The following TNXB variants were observed in gnomAD, a reference collection of about 807,000 sequenced individuals.
The protein encoded by TNXB is tenascin XB, also known as tenascin-X.
In TNXB, 183 loss-of-function variants were observed where a neutral mutation model predicts 340.5. The ratio of observed to expected loss-of-function variants is 0.54; its 90% confidence interval spans 0.48 to 0.61. The LOEUF is 0.61. Ranked by LOEUF, TNXB falls within the 20% of genes least tolerant of loss-of-function variation. TNXB has a pLI of 0.00. For missense variants in TNXB, 4,613 were observed against 5,446.4 expected (o/e 0.85, Z 4.82); for synonymous variants, 2,121 against 2,314.5 (o/e 0.92, Z 2.40).
rs372382352 is a variant in TNXB at position 32,049,526 on chromosome 6, C to T, written c.9501G>A (p.Pro3167=). ...CTGTCACTGTCAACTCCCCCAGGAGCGGCTCCTCAGGGGCCTCCGGGGCCT... is the reference window on the plus strand; with the variant it reads ...CTGTCACTGTCAACTCCCCCAGGAGTGGCTCCTCAGGGGCCTCCGGGGCCT... ...STEAPEAPEE[P]LLGELTVTGS... Residue 3167 remains proline (P), a synonymous_variant, in exon 28 of 44, where the codon CCG becomes CCA. Coordinates refer to ENST00000644971, the MANE Select transcript of TNXB (RefSeq NM_001365276.2). The surrounding 1 kb of genome is among the most constrained non-coding windows in gnomAD (Gnocchi z 4.5). The T allele has an allele frequency of 3.1e-5, 50 of 1,612,414 alleles. No homozygotes were observed. The highest frequency in any genetic ancestry group is 3.8e-5 in the Non-Finnish European group (45 of 1,179,862).
intron 4 of TNXB, among the ~76,000 whole-genome samples, chr6:32,091,541 G>C (rs930137920): frequency 6.6e-6 from 1 of 150,540 alleles, no homozygotes; most frequent in Non-Finnish European, 1.5e-5. Context: ...GCAATGGCAC[G>C]ATCTCAGCTC....
rs1260732754 is a variant in TNXB, at chr6:32,095,850, A to T, written c.2003T>A (p.Leu668Gln). 6.2e-7 allele frequency: 1 copy of T among 1,612,580 alleles called. No homozygotes were observed. The highest frequency in any genetic ancestry group is 8.5e-7 in the Non-Finnish European group (1 of 1,179,388). ...GRGRCVQGVC[L>Q]CHVGYGGEDC... Reference sequence around the variant, plus strand: ...CTCACCGCCATAGCCCACGTGGCACAGGCACACTCCTTGCACACACCGCCC... The same window carrying T: ...CTCACCGCCATAGCCCACGTGGCACTGGCACACTCCTTGCACACACCGCCC... The change falls in exon 3 of 44, where the codon CTG (leucine) becomes CAG (glutamine). Residue 668 changes from leucine (L) to glutamine (Q), a missense_variant. Around this residue, in one of 7 missense-constraint regions of TNXB, gnomAD observed 4,327 missense variants for 4,859.4 expected, o/e 0.89. Transcript: ENST00000644971.
chr6:32,060,280 C>T (rs779558908), intron 21 of TNXB, among the ~76,000 whole-genome samples: 5 of 145,224 alleles, frequency 3.4e-5, no homozygotes, highest in Admixed American at 6.7e-5. Context: ...TGTAGTGAGC[C>T]GAGATCATGC....
Position 32,097,479 on chromosome 6 carries a change from GTCTC to G in TNXB, c.404-34_404-31del. The G allele has an allele frequency of 6.4e-7, 1 of 1,569,536 alleles. No homozygotes were observed. The highest frequency in any genetic ancestry group is 1.2e-5 in the South Asian group (1 of 85,946). ...AGTAGGAGGGGAGAGGCAAGTCTCA[GTCTC>G]TCTCCTGGGAGAGAGGCTGAGCCTA... is the stretch of plus-strand genomic sequence containing the variant. On this transcript the variant is annotated intron_variant, in intron 2 of 43. Transcript: ENST00000644971. The surrounding 1 kb of genome is among the most constrained non-coding windows in gnomAD (Gnocchi z 5.9).
intron 4 of TNXB, among the ~76,000 whole-genome samples, chr6:32,091,018 G>C (rs1780049199): frequency 6.6e-6 from 1 of 152,132 alleles, no homozygotes; most frequent in South Asian, 2.1e-4. Context: ...GGTTCCTCCT[G>C]AGATCCATCT....
chr6:32,080,873 C>T lies in TNXB; in HGVS notation c.4042+495G>A, dbSNP rs1435814125. 6.6e-6 allele frequency among the ~76,000 whole-genome samples: 1 copy of T among 152,194 alleles called. No homozygotes were observed. The highest frequency in any genetic ancestry group is 1.5e-5 in the Non-Finnish European group (1 of 68,032). ...AAGGAGTCGGGAGCTGAGAGGAGTC[C>T]TCTTCATGCTGCAAAAAGGCTAGAG... is the stretch of plus-strand genomic sequence containing the variant. On this transcript the variant is annotated intron_variant, in intron 10 of 43. Transcript: ENST00000644971. This position sits in a 1 kb window ranked among gnomAD's most constrained non-coding sequence, Gnocchi z 4.3.
At chr6:32,105,906 T>A (rs1487545304) in intron 1 of TNXB, among the ~76,000 whole-genome samples, 1 of 152,078 alleles carries the variant, frequency 6.6e-6, no homozygotes, top group Non-Finnish European at 1.5e-5. Context: ...AATAAATAAA[T>A]TGTGGTTTAT....
At position 32,043,253 on chromosome 6, in the gene TNXB, G is replaced by A; in HGVS notation, c.11716C>T (p.His3906Tyr). 1 of 282,284 alleles carries A rather than the reference G, an allele frequency of 3.5e-6. No individual in the cohort carries two copies. Among genetic ancestry groups the A allele is most frequent in the Non-Finnish European group, 6.1e-6 (1 of 164,032 alleles). 17.5% of individuals were successfully genotyped at this position (282,284 alleles called of 1,614,324 possible). The change falls in exon 37 of 44, where the codon CAC becomes TAC. Residue 3906 changes from histidine to tyrosine, a missense_variant. By Grantham distance (83) the His-to-Tyr change is moderately conservative. Transcript: ENST00000644971. ...CGCACTGTGGCGGTGTAGTTGGTGTGGAGGACAAGGTCATGCAGGGGGTAG... is the reference window on the plus strand; with the variant it reads ...CGCACTGTGGCGGTGTAGTTGGTGTAGAGGACAAGGTCATGCAGGGGGTAG... ...VDYPLHDLVL[H>Y]TNYTATVRGL...
At chr6:32,060,822 A>G (rs1479386226) in intron 21 of TNXB, among the ~76,000 whole-genome samples, 1 of 151,902 alleles carries the variant, frequency 6.6e-6, no homozygotes, top group Non-Finnish European at 1.5e-5. Context: ...TATTTTTAGT[A>G]GAGATGGGGT....
chr6:32,046,301 G>C lies in TNXB; in HGVS notation c.10480C>G (p.Pro3494Ala). The change falls in exon 31 of 44, where the codon CCT (proline) becomes GCT (alanine). Residue 3494 changes from proline (P) to alanine (A), a missense_variant. Pro to Ala is a conservative substitution (Grantham distance 27, BLOSUM62 -1). Around this residue, in one of 7 missense-constraint regions of TNXB, gnomAD observed 4,327 missense variants for 4,859.4 expected, o/e 0.89. Transcript: ENST00000644971. This position sits in a 1 kb window ranked among gnomAD's most constrained non-coding sequence, Gnocchi z 6.9. ...ACTGTGCGCTGGTCTGCGGCCACAG[G>C]CACTGCCCTGGGCTGCCCGTCCGTG... ...RDTDGQPRAV[P>A]VAADQRTVTV... The C allele has an allele frequency of 2.5e-6, 4 of 1,606,634 alleles. No homozygotes were observed. Among genetic ancestry groups the C allele is most frequent in the Non-Finnish European group, 1.7e-6 (2 of 1,178,152 alleles).
chr6:32,047,398 C>T lies in TNXB; in HGVS notation c.10324+336G>A, dbSNP rs1261618395. Among the ~76,000 whole-genome samples, 1 of 152,204 alleles carries T rather than the reference C, an allele frequency of 6.6e-6. No homozygotes were observed. Among genetic ancestry groups the T allele is most frequent in the African/African-American group, 2.4e-5 (1 of 41,444 alleles). On this transcript the variant is annotated intron_variant, in intron 30 of 43. Coordinates refer to ENST00000644971, the MANE Select transcript of TNXB (RefSeq NM_001365276.2). The surrounding 1 kb of genome is among the most constrained non-coding windows in gnomAD (Gnocchi z 6.2). ...GGATGGGAACCACTACTGAGTCCAG[C>T]GCCATTCCCAGCATTATGCAGGTGA...
chr6:32,049,642 A>C lies in TNXB; in HGVS notation c.9440-55T>G. 6.4e-7 allele frequency: 1 copy of C among 1,559,592 alleles called. No individual in the cohort carries two copies. Among genetic ancestry groups the C allele is most frequent in the Non-Finnish European group, 8.7e-7 (1 of 1,148,474 alleles). ...AGGGGGATGTCCTTGGGTCCTGGGG[A>C]AAAGGAGGGAGAAGCCAAGGCTATG... On this transcript the variant is annotated intron_variant, in intron 27 of 43. Transcript: ENST00000644971. This position sits in a 1 kb window ranked among gnomAD's most constrained non-coding sequence, Gnocchi z 4.5.
In TNXB at chr6:32,053,895, A is replaced by G. The variant is rs1472065934; in HGVS notation, c.8468-184T>C. ...CCCTCACCCTGACCCCCCTGCCCTC[A>G]GCCCCCACCTCACCCCCACCTCCCA... On this transcript the variant is annotated intron_variant, in intron 24 of 43. Transcript: ENST00000644971. Among the ~76,000 whole-genome samples the G allele has an allele frequency of 6.3e-4, 41 of 65,150 alleles. No individual in the cohort carries two copies. The Middle Eastern group carries it at 0.021, about 34-fold the overall frequency. The allele number at this position is 65,150 out of a possible 152,430, so 42.7% of individuals were successfully genotyped here. A position where few individuals can be genotyped will look rare whatever the true frequency, so the allele number is the denominator to read the frequency against.
chr6:32,067,962 G>C lies in TNXB; in HGVS notation c.6243C>G (p.Ser2081Arg). The C allele has an allele frequency of 1.2e-5, 19 of 1,611,896 alleles. No homozygotes were observed. The highest frequency in any genetic ancestry group is 1.6e-5 in the Non-Finnish European group (19 of 1,179,352). ...GGGCCTCCATGCTGGGTTCTGTGGG[G>C]CTGGGGGTCTCTTCCTCTGCAGCTG... The part of the protein sequence containing the change: ...GVTAAEEETP[S>R]PTEPSMEAPE... Residue 2081 changes from serine (S) to arginine (R), a missense_variant, in exon 18 of 44, where the codon AGC becomes AGG. Physicochemically the swap from Ser to Arg is moderately radical, Grantham distance 110 (BLOSUM62 -1). Transcript: ENST00000644971. The surrounding 1 kb of genome is among the most constrained non-coding windows in gnomAD (Gnocchi z 4.2).
In TNXB at chr6:32,053,661, CAG is replaced by C; in HGVS notation, c.8516_8517del (p.Pro2839ArgfsTer19). Reference sequence around the variant, plus strand: ...CCGAGGCGAGGCTTGTTGGGGGGCTCAGGGGTTGTGGTGGGCACTGCTTGGGT... The same window carrying C: ...CCGAGGCGAGGCTTGTTGGGGGGCTCGGGTTGTGGTGGGCACTGCTTGGGT... ...ETTQAVPTTT[P>X]EPPNKPRLGE... On this transcript the variant is annotated frameshift_variant, in exon 25 of 44. Coordinates refer to ENST00000644971, the MANE Select transcript of TNXB (RefSeq NM_001365276.2). LOFTEE classifies it high-confidence loss of function. The C allele has an allele frequency of 6.2e-7, 1 of 1,613,288 alleles. No homozygotes were observed. Among genetic ancestry groups the C allele is most frequent in the Non-Finnish European group, 8.5e-7 (1 of 1,179,804 alleles).
intron 13 of TNXB, 91 bp downstream of exon 13, chr6:32,071,899 A>C: frequency 8.7e-7 from 1 of 1,146,806 alleles, no homozygotes; most frequent in Non-Finnish European, 1.2e-6. Context: ...GAGACAGAGC[A>C]GGTGGACAAA....
chr6:32,097,095 C>T lies in TNXB; in HGVS notation c.758G>A (p.Cys253Tyr). The change falls in exon 3 of 44, where the codon TGC becomes TAC. Residue 253 changes from cysteine to tyrosine, a missense_variant. Physicochemically the swap from Cys to Tyr is radical, Grantham distance 194 (BLOSUM62 -2). Transcript: ENST00000644971. The surrounding 1 kb of genome is among the most constrained non-coding windows in gnomAD (Gnocchi z 5.9). The stretch of plus-strand genomic sequence containing the variant: ...ACCCTCACAGCGTCCCCTCTGGCTG[C>T]AACCTCGAGGGCAGGAGCGCTGGCT... ...DCSQRSCPRG[C>Y]SQRGRCEGGR... 1 of 1,613,422 alleles carries T rather than the reference C, an allele frequency of 6.2e-7. No individual in the cohort carries two copies. The highest frequency in any genetic ancestry group is 8.5e-7 in the Non-Finnish European group (1 of 1,179,664).
Position 32,067,030 on chromosome 6 carries a change from T to C in TNXB, c.6544+631A>G, listed in dbSNP as rs1778378499. Among the ~76,000 whole-genome samples, 1 of 151,608 alleles carries C rather than the reference T, an allele frequency of 6.6e-6. No homozygotes were observed. Among genetic ancestry groups the C allele is most frequent in the Non-Finnish European group, 1.5e-5 (1 of 67,958 alleles). On this transcript the variant is annotated intron_variant, in intron 18 of 43. Transcript: ENST00000644971. The surrounding 1 kb of genome is among the most constrained non-coding windows in gnomAD (Gnocchi z 4.2). ...AGGCTGCAGTGCAGTGAATTGTGAC[T>C]GTGCCAGTACACTCTAGCCCAGGCG...
At chr6:32,065,457 T>C (rs1479569803) in intron 18 of TNXB, among the ~76,000 whole-genome samples, 1 of 152,158 alleles carries the variant, frequency 6.6e-6, no homozygotes, top group Non-Finnish European at 1.5e-5. Context: ...TTCAGTTTTC[T>C]CAATTGCAAT....
Sources: gnomAD v4.1 joint callset for allele counts (sites outside exome capture counted in the v4.1 genomes callset) on GRCh38, gnomAD v4.1.1 for gene constraint, gnomAD v4.1.1 regional missense constraint, Gnocchi (gnomAD v3.1) non-coding constraint, MANE v1.5 for transcripts, NCBI Gene and HGNC (gene_info 2026-07-23, HGNC 2026-07-21) for gene names.